TACR3: variants seen among roughly 807,000 people sequenced by gnomAD.
TACR3 encodes the protein neuromedin-K receptor.
In TACR3, 34 loss-of-function variants were observed where a neutral mutation model predicts 35.0. The ratio of observed to expected loss-of-function variants is 0.97; its 90% CI spans 0.74 to 1.30. TACR3 has a LOEUF of 1.30. Ranked by LOEUF, TACR3 falls within the 50% of genes most tolerant of loss-of-function variation. The pLI, the probability that TACR3 is intolerant of heterozygous loss-of-function variation, is 0.00. For missense variants in TACR3, 558 were observed against 591.7 expected, an observed-to-expected ratio of 0.94 and a Z score of 0.59; for synonymous variants, 233 against 221.1, an observed-to-expected ratio of 1.05 and a Z score of -0.48.
At chr4:103,688,330 T>A (rs1237018848) in intron 1 of TACR3, among the ~76,000 whole-genome samples, 1 of 152,132 alleles carries the variant, frequency 6.6e-6, no homozygotes, top group African/African-American at 2.4e-5. Flanking sequence ...TTCAGGACAC[T>A]GGCATGGGCA....
At chr4:103,657,779 A>G (rs1281139062) in intron 2 of TACR3, among the ~76,000 whole-genome samples, 1 of 152,088 alleles carries the variant, frequency 6.6e-6, no homozygotes, top group Non-Finnish European at 1.5e-5. Flanking sequence ...AGAGACAAGC[A>G]AAAGAACACA....
intron 1 of TACR3, among the ~76,000 whole-genome samples, chr4:103,677,084 A>C (rs766901460): frequency 6.6e-6 from 1 of 152,196 alleles, no homozygotes; most frequent in African/African-American, 2.4e-5. Context: ...GAAGACATAC[A>C]TGTGGCCAAC....
At chr4:103,711,347 T>A (rs2110231049) in intron 1 of TACR3, among the ~76,000 whole-genome samples, 1 of 152,130 alleles carries the variant, frequency 6.6e-6, no homozygotes, top group Non-Finnish European at 1.5e-5. Context: ...CATACGCAAA[T>A]CAATAAACAT....
In TACR3 at chr4:103,589,759, G is replaced by A. The variant is rs146482011; in HGVS notation, c.1321C>T (p.Arg441Cys). 391 of 1,613,850 alleles carry A rather than the reference G, an allele frequency of 2.4e-4. 1 individual carries two copies. Among genetic ancestry groups the A allele is most frequent in the East Asian group, 2.7e-4 (12 of 44,880 alleles). Residue 441 changes from arginine to cysteine, a missense_variant, in exon 5 of 5, where the codon CGC (arginine) becomes TGC (cysteine). Coordinates refer to ENST00000304883, the MANE Select transcript of TACR3 (RefSeq NM_001059.3). ...GCGGAGGCAGATTTGGAATTCCTGC[G>A]AGAGCAGCCATTGAAACTTGGGTCT... ...PRDPSFNGCS[R>C]RNSKSASATS...
intron 1 of TACR3, among the ~76,000 whole-genome samples, chr4:103,710,510 A>C (rs1254878496): frequency 3.3e-5 from 5 of 152,208 alleles, no homozygotes; most frequent in Non-Finnish European, 7.3e-5. Flanking sequence ...AGGGAAATTT[A>C]TACCACTAAA....
intron 3 of TACR3, among the ~76,000 whole-genome samples, chr4:103,642,352 GTA>G (rs1441080144): frequency 1.4e-5 from 2 of 141,146 alleles, no homozygotes; most frequent in African/African-American, 5.8e-5. Context: ...TAAAAAATGA[GTA>G]AAAATAGAAA....
Position 103,719,222 on chromosome 4 carries a change from A to C in TACR3, c.454T>G (p.Tyr152Asp). 6.2e-7 allele frequency: 1 copy of C among 1,614,190 alleles called. No individual in the cohort carries two copies. The highest frequency in any genetic ancestry group is 8.5e-7 in the Non-Finnish European group (1 of 1,180,048). ...NFIYALHSEW[Y>D]FGANYCRFQN... Reference sequence around the variant, plus strand: ...AAGCGGCAGTAGTTGGCGCCAAAGTACCACTCGCTATGAAGCGCGTAGATG... The same window carrying C: ...AAGCGGCAGTAGTTGGCGCCAAAGTCCCACTCGCTATGAAGCGCGTAGATG... The change falls in exon 1 of 5, where the codon TAC (tyrosine) becomes GAC (aspartate). Residue 152 changes from tyrosine to aspartate, a missense_variant. Coordinates refer to ENST00000304883, the MANE Select transcript of TACR3 (RefSeq NM_001059.3).
chr4:103,614,884 G>GTGTTTTTTT (rs1724601239), intron 3 of TACR3, among the ~76,000 whole-genome samples: 3 of 72,006 alleles, frequency 4.2e-5, no homozygotes, highest in African/African-American at 1.8e-4. Flanking sequence ...TTATGAATGT[G>GTGTTTTTTT]TTTTTTTTTT....
chr4:103,699,092 C>T (rs926597962), intron 1 of TACR3, among the ~76,000 whole-genome samples: 1 of 152,108 alleles, frequency 6.6e-6, no homozygotes, highest in Non-Finnish European at 1.5e-5. Flanking sequence ...CAAGTCAAAC[C>T]TTGTTTTCAT....
intron 3 of TACR3, among the ~76,000 whole-genome samples, chr4:103,615,569 A>ATGAT (rs1314304208): frequency 6.6e-6 from 1 of 152,174 alleles, no homozygotes; most frequent in African/African-American, 2.4e-5. Flanking sequence ...AAATAACAAG[A>ATGAT]TGATAGATAT....
intron 3 of TACR3, among the ~76,000 whole-genome samples, chr4:103,611,739 C>T (rs965372256): frequency 1.3e-5 from 2 of 151,820 alleles, no homozygotes; most frequent in Non-Finnish European, 2.9e-5. Context: ...ACTTTTTTGC[C>T]CCTCTAAAAG....
At chr4:103,643,347 T>G (rs1329667533) in intron 3 of TACR3, among the ~76,000 whole-genome samples, 1 of 151,362 alleles carries the variant, frequency 6.6e-6, no homozygotes, top group African/African-American at 2.4e-5. Context: ...TAAATCAGGA[T>G]GTAGAATGGA....
chr4:103,637,694 T>C (rs926573292), intron 3 of TACR3, among the ~76,000 whole-genome samples: 18 of 152,294 alleles, frequency 1.2e-4, no homozygotes, highest in South Asian at 4.1e-4. Flanking sequence ...GAAAACCCCA[T>C]TGTCTCAGCC....
chr4:103,691,492 G>C (rs369940350), intron 1 of TACR3, among the ~76,000 whole-genome samples: 14 of 152,286 alleles, frequency 9.2e-5, no homozygotes, highest in African/African-American at 3.4e-4. Flanking sequence ...GCTTTCCTTT[G>C]TGATGATGAA....
At chr4:103,613,746 TGA>T (rs1464356988) in intron 3 of TACR3, among the ~76,000 whole-genome samples, 1 of 152,232 alleles carries the variant, frequency 6.6e-6, no homozygotes, top group African/African-American at 2.4e-5. Context: ...TTCTTTAGGC[TGA>T]GAGTCTAAGA....
intron 1 of TACR3, among the ~76,000 whole-genome samples, chr4:103,680,508 C>CATATATATATATAT (rs1254287991): frequency 2.2e-4 from 32 of 145,816 alleles, no homozygotes; most frequent in African/African-American, 8.2e-4. Context: ...CACACACACA[C>CATATATATATATAT]ACACATATAT....
chr4:103,593,509 C>T (rs1723939159), intron 3 of TACR3: 1 of 152,056 alleles, frequency 6.6e-6, no homozygotes, highest in African/African-American at 2.4e-5. Flanking sequence ...TAAAGAATGA[C>T]TCAATACATG....
chr4:103,692,320 A>C (rs915890080), intron 1 of TACR3, among the ~76,000 whole-genome samples: 1 of 152,194 alleles, frequency 6.6e-6, no homozygotes, highest in African/African-American at 2.4e-5. Context: ...TTAAATATAA[A>C]GAAGGACATT....
chr4:103,699,064 A>G (rs1274143686), intron 1 of TACR3, among the ~76,000 whole-genome samples: 1 of 152,208 alleles, frequency 6.6e-6, no homozygotes, highest in Non-Finnish European at 1.5e-5. Context: ...CTTATTATTC[A>G]TTCATTTAGT....
Sources: gnomAD v4.1 joint callset for allele counts (sites outside exome capture counted in the v4.1 genomes callset) on GRCh38, gnomAD v4.1.1 for gene constraint, MANE v1.5 for transcripts, NCBI Gene and HGNC (gene_info 2026-07-23, HGNC 2026-07-21) for gene names.